The following HUNK variants were observed in gnomAD, a reference collection of about 807,000 sequenced individuals.
HUNK encodes the protein hormonally up-regulated Neu-associated kinase, also known as hormonally up-regulated neu tumor-associated kinase.
HUNK carries 21 observed loss-of-function variants against 61.0 expected under a neutral mutation model. The ratio of observed to expected loss-of-function variants is 0.34; its 90% CI spans 0.24 to 0.50. The LOEUF is 0.50. Among genes scored for constraint, HUNK ranks in the 20% least tolerant of loss-of-function variants. The probability of loss-of-function intolerance (pLI) is 0.98; values close to 1 mark genes in which losing one functional copy is unlikely to be tolerated. For synonymous variants in HUNK, 371 were observed against 386.1 expected, an observed-to-expected ratio of 0.96 and a Z score of 0.46; for missense variants, 772 against 945.7, an observed-to-expected ratio of 0.82 and a Z score of 2.41.
intron 8 of HUNK, among the ~76,000 whole-genome samples, chr21:31,984,584 AT>A (rs2053120353): frequency 6.6e-6 from 1 of 152,320 alleles, no homozygotes; most frequent in East Asian, 1.9e-4. Context: ...TGATTTCAGA[AT>A]AAAAACTAGG....
Position 31,940,570 on chromosome 21 carries a change from C to T in HUNK, c.610+350C>T, listed in dbSNP as rs531663247. 2.6e-5 allele frequency among the ~76,000 whole-genome samples: 4 copies of T among 152,192 alleles called. No individual in the cohort carries two copies. The East Asian group carries it at 5.8e-4, about 22-fold the overall frequency. The stretch of plus-strand genomic sequence containing the variant: ...CACTTCTTGGTGAATGCAGGGATGC[C>T]TAAAGTAAGGGAGAATGCAATTGAC... On this transcript the variant is annotated intron_variant, in intron 3 of 10. Coordinates refer to ENST00000270112, the MANE Select transcript of HUNK (RefSeq NM_014586.2).
At chr21:31,968,496 C>T (rs747392954) in intron 6 of HUNK, 111 bp downstream of exon 6, 40 of 1,295,080 alleles carry the variant, frequency 3.1e-5, no homozygotes, top group Non-Finnish European at 4.3e-5. Flanking sequence ...GCCGCGCTCT[C>T]TCTTGGCTAT....
intron 5 of HUNK, among the ~76,000 whole-genome samples, chr21:31,965,929 C>T (rs981426048): frequency 4.6e-5 from 7 of 152,032 alleles, no homozygotes; most frequent in South Asian, 2.1e-4. Flanking sequence ...AATTTCAGTA[C>T]GTATTTGAGG....
chr21:31,966,115 C>T (rs1409088749), intron 5 of HUNK, among the ~76,000 whole-genome samples: 2 of 152,120 alleles, frequency 1.3e-5, no homozygotes, highest in Non-Finnish European at 2.9e-5. Context: ...TATGCCTTTG[C>T]ACCTTCATAG....
intron 1 of HUNK, among the ~76,000 whole-genome samples, chr21:31,888,505 G>T (rs1487649778): frequency 1.3e-5 from 2 of 152,200 alleles, no homozygotes; most frequent in Non-Finnish European, 1.5e-5. Flanking sequence ...GGGAGGCCGA[G>T]GCGGGCAGAT....
At chr21:31,949,575 GCACACACACACA>G (rs148673553) in intron 4 of HUNK, among the ~76,000 whole-genome samples, 1 of 150,504 alleles carries the variant, frequency 6.6e-6, no homozygotes. Context: ...AAGAATTTGT[GCACACACACACA>G]CACACACGCA....
intron 4 of HUNK, among the ~76,000 whole-genome samples, chr21:31,953,689 T>G (rs2052868316): frequency 6.6e-6 from 1 of 152,250 alleles, no homozygotes; most frequent in Admixed American, 6.5e-5. Flanking sequence ...GCTTAGTTGA[T>G]GTGAGCCTCA....
intron 7 of HUNK, among the ~76,000 whole-genome samples, chr21:31,981,502 T>A (rs919820290): frequency 6.6e-6 from 1 of 152,228 alleles, no homozygotes; most frequent in African/African-American, 2.4e-5. Flanking sequence ...ACATGGAATC[T>A]TTTCATTTAC....
chr21:31,974,372 TG>T, intron 6 of HUNK, 182 bp from the exon 7 acceptor site: 1 of 485,150 alleles, frequency 2.1e-6, no homozygotes, highest in Non-Finnish European at 3.6e-6. Flanking sequence ...ATCTAGATGA[TG>T]GTATACATAA....
At chr21:31,942,237 A>G (rs1160999794) in intron 3 of HUNK, among the ~76,000 whole-genome samples, 1 of 152,198 alleles carries the variant, frequency 6.6e-6, no homozygotes, top group Admixed American at 6.5e-5. Context: ...TGAGTCGTGT[A>G]AGGTACAGAC....
At chr21:31,904,108 A>G (rs2052488777) in intron 1 of HUNK, among the ~76,000 whole-genome samples, 1 of 151,868 alleles carries the variant, frequency 6.6e-6, no homozygotes, top group African/African-American at 2.4e-5. Context: ...AAGCTAAGCA[A>G]TTAGTCTCGG....
In HUNK at chr21:32,000,037, C is replaced by T. The variant is rs1040007677; in HGVS notation, c.*853C>T. The T allele has an allele frequency of 1.8e-5, 7 of 396,564 alleles. No individual in the cohort carries two copies. The highest frequency in any genetic ancestry group is 2.7e-5 in the Non-Finnish European group (6 of 225,772). The allele number at this position is 396,564 out of a possible 1,614,324, so 24.6% of individuals were successfully genotyped here. ...GTGATTTGCTGAGTGCTGTGGCCCACAGGCAGGGCAAGTCTCGGTGGCCCT... is the reference window on the plus strand; with the variant it reads ...GTGATTTGCTGAGTGCTGTGGCCCATAGGCAGGGCAAGTCTCGGTGGCCCT... On this transcript the variant is annotated 3_prime_UTR_variant, in exon 11 of 11. Transcript: ENST00000270112.
intron 1 of HUNK, among the ~76,000 whole-genome samples, chr21:31,877,229 G>GGGTGT (rs1568913997): frequency 6.6e-6 from 1 of 151,468 alleles, no homozygotes; most frequent in African/African-American, 2.4e-5. Context: ...TTGGTATGGG[G>GGGTGT]GTGTGTGTGT....
At chr21:31,949,439 G>A (rs1390443958) in intron 4 of HUNK, among the ~76,000 whole-genome samples, 1 of 152,106 alleles carries the variant, frequency 6.6e-6, no homozygotes, top group Non-Finnish European at 1.5e-5. Context: ...AACTCTCAAA[G>A]GTGTCTGGCA....
intron 1 of HUNK, among the ~76,000 whole-genome samples, chr21:31,889,411 T>C (rs1421483581): frequency 6.6e-6 from 1 of 152,242 alleles, no homozygotes; most frequent in African/African-American, 2.4e-5. Flanking sequence ...TAAAGATAAG[T>C]GTTATCACTT....
intron 2 of HUNK, among the ~76,000 whole-genome samples, chr21:31,939,637 A>C (rs563072720): frequency 6.6e-6 from 1 of 150,590 alleles, no homozygotes; most frequent in Non-Finnish European, 1.5e-5. Context: ...CGAACTCGCG[A>C]CCTCAGGTGA....
At chr21:31,925,243 T>A (rs1183198877) in intron 2 of HUNK, among the ~76,000 whole-genome samples, 1 of 152,214 alleles carries the variant, frequency 6.6e-6, no homozygotes, top group Non-Finnish European at 1.5e-5. Flanking sequence ...CTGTAACAGT[T>A]ATGTGACCCT....
At chr21:31,906,228 T>G (rs567223199) in intron 1 of HUNK, among the ~76,000 whole-genome samples, 31 of 152,272 alleles carry the variant, frequency 2.0e-4, no homozygotes, top group African/African-American at 6.7e-4. Flanking sequence ...CCCGGCTTAC[T>G]GATGAATAGT....
At chr21:31,955,130 T>C (rs1461650159) in intron 4 of HUNK, among the ~76,000 whole-genome samples, 2 of 152,118 alleles carry the variant, frequency 1.3e-5, no homozygotes. Context: ...CTGATGCCAC[T>C]GGTCTGAGGA....
Sources: gnomAD v4.1 joint callset for allele counts (sites outside exome capture counted in the v4.1 genomes callset) on GRCh38, gnomAD v4.1.1 for gene constraint, MANE v1.5 for transcripts, NCBI Gene and HGNC (gene_info 2026-07-23, HGNC 2026-07-21) for gene names.